The following NLGN4X variants were observed in gnomAD, a reference collection of about 807,000 sequenced individuals.
NLGN4X encodes the protein neuroligin-4, X-linked.
NLGN4X carries 3 observed loss-of-function variants against 40.3 expected under a neutral mutation model. That is an observed-to-expected ratio of 0.07 (90% CI 0.03 to 0.19). NLGN4X has a LOEUF of 0.19. Among genes scored for constraint, NLGN4X ranks in the 10% least tolerant of loss-of-function variants. The probability of loss-of-function intolerance (pLI) is 1.00; values close to 1 mark genes in which losing one functional copy is unlikely to be tolerated. For missense variants in NLGN4X, 382 were observed against 708.3 expected (o/e 0.54, Z 5.23); for synonymous variants, 270 against 306.8 (o/e 0.88, Z 1.25).
intron 1 of NLGN4X, among the ~76,000 whole-genome samples, chrX:6,209,366 G>A (rs189814134): frequency 2.2e-4 from 25 of 111,497 alleles, no homozygotes; most frequent in Non-Finnish European, 4.5e-4. Context: ...CAGCACTTGT[G>A]CCCGTTAAAT....
At chrX:5,924,211 T>C (rs539830411) in intron 3 of NLGN4X, among the ~76,000 whole-genome samples, 10 of 111,776 alleles carry the variant, frequency 8.9e-5, no homozygotes, top group African/African-American at 3.2e-4. Flanking sequence ...TTGCTGAATA[T>C]GGAATCATGG....
intron 1 of NLGN4X, among the ~76,000 whole-genome samples, chrX:6,201,851 T>C (rs1923643832): frequency 9.1e-6 from 1 of 110,193 alleles, no homozygotes; most frequent in South Asian, 3.9e-4. Flanking sequence ...GGAAGAGAAG[T>C]GAGAGCAGAA....
At chrX:6,027,489 C>A (rs1430477723) in intron 3 of NLGN4X, among the ~76,000 whole-genome samples, 1 of 111,560 alleles carries the variant, frequency 9.0e-6, no homozygotes, top group South Asian at 3.7e-4. Context: ...ATTTTGAGTT[C>A]TTTATCAATG....
chrX:6,111,793 C>G (rs951419911), intron 2 of NLGN4X, among the ~76,000 whole-genome samples: 1 of 111,164 alleles, frequency 9.0e-6, no homozygotes, highest in Non-Finnish European at 1.9e-5. Context: ...ATTACCCAGT[C>G]TAAGGTATTT....
At chrX:5,975,241 C>T (rs962105690) in intron 3 of NLGN4X, among the ~76,000 whole-genome samples, 10 of 111,872 alleles carry the variant, frequency 8.9e-5, no homozygotes, top group East Asian at 2.8e-4. Context: ...TTTGTAGAAT[C>T]GAAGTTATGC....
At chrX:6,125,208 C>T (rs887116558) in intron 2 of NLGN4X, among the ~76,000 whole-genome samples, 2 of 111,747 alleles carry the variant, frequency 1.8e-5, no homozygotes, top group African/African-American at 6.5e-5. Flanking sequence ...ATAAACGAGC[C>T]ATGGAGGCAA....
chrX:6,059,578 T>C (rs1303085464), intron 2 of NLGN4X, among the ~76,000 whole-genome samples: 1 of 111,658 alleles, frequency 9.0e-6, no homozygotes, highest in Non-Finnish European at 1.9e-5. Flanking sequence ...TCGAAACCTG[T>C]GCCCCTGTGG....
intron 1 of NLGN4X, among the ~76,000 whole-genome samples, chrX:6,165,998 G>A (rs999420871): frequency 1.8e-5 from 2 of 111,418 alleles, no homozygotes; most frequent in Non-Finnish European, 3.8e-5. Flanking sequence ...AGATTCCATG[G>A]GTTCTACAAA....
chrX:5,895,221 G>A (rs760039782), intron 5 of NLGN4X, among the ~76,000 whole-genome samples: 1 of 112,314 alleles, frequency 8.9e-6, no homozygotes, highest in South Asian at 3.7e-4. Flanking sequence ...GTTAAGAGCT[G>A]TGAAATCTTA....
intron 1 of NLGN4X, among the ~76,000 whole-genome samples, chrX:6,174,327 T>G (rs1425551198): frequency 8.9e-6 from 1 of 111,884 alleles, no homozygotes; most frequent in Non-Finnish European, 1.9e-5. Flanking sequence ...ACATTCTTGC[T>G]GAGATTGTAA....
At chrX:6,213,171 T>G (rs1924769752) in intron 1 of NLGN4X, among the ~76,000 whole-genome samples, 1 of 110,465 alleles carries the variant, frequency 9.1e-6, no homozygotes, top group African/African-American at 3.3e-5. Flanking sequence ...GCAAAAGTCT[T>G]CTGGACAGTA....
chrX:6,061,606 C>A (rs2037773350), intron 2 of NLGN4X: 1 of 111,943 alleles, frequency 8.9e-6, no homozygotes. Context: ...ATGACATTTG[C>A]ATTGCTATGT....
chrX:5,936,941 G>C lies in NLGN4X; in HGVS notation c.626-27702C>G, dbSNP rs752306478. Among the ~76,000 whole-genome samples the C allele has an allele frequency of 6.3e-5, 7 of 111,844 alleles. No homozygotes were observed. The South Asian group carries it at 2.6e-3, about 42-fold the overall frequency. On this transcript the variant is annotated intron_variant, in intron 3 of 5. Coordinates refer to ENST00000381095, the MANE Select transcript of NLGN4X (RefSeq NM_181332.3). The stretch of plus-strand genomic sequence containing the variant: ...TTCATGTTAGGATAGCCAAAAGGTA[G>C]TCAGCAAAAGGGCGAGATGTTTAAT...
intron 5 of NLGN4X, among the ~76,000 whole-genome samples, chrX:5,893,952 A>G (rs1601840998): frequency 1.8e-5 from 2 of 112,356 alleles, no homozygotes; most frequent in Non-Finnish European, 3.8e-5. Context: ...GCATCAAATG[A>G]TCTTCAAAAA....
chrX:6,221,563 T>C (rs1925716784), intron 1 of NLGN4X, among the ~76,000 whole-genome samples: 2 of 108,589 alleles, frequency 1.8e-5, no homozygotes, highest in Admixed American at 2.0e-4. Context: ...TCTTACCATG[T>C]AGCTTCAGGG....
rs1329142598 is a variant in NLGN4X, at chrX:5,891,515, C to A, written c.*1302G>T. 3.4e-6 allele frequency: 1 copy of A among 290,745 alleles called. No individual in the cohort carries two copies. Among genetic ancestry groups the A allele is most frequent in the African/African-American group, 2.8e-5 (1 of 35,811 alleles). The allele number at this position is 290,745 out of a possible 1,213,427, so 24.0% of individuals were successfully genotyped here. A position where few individuals can be genotyped will look rare whatever the true frequency, so the allele number is the denominator to read the frequency against. ...TCTGATTAGCTAAGCTGAGCAGGTA[C>A]TTCATCGGCCAAACCCTCCCGCAGC... is the stretch of plus-strand genomic sequence containing the variant. On this transcript the variant is annotated 3_prime_UTR_variant, in exon 6 of 6. Transcript: ENST00000381095.
intron 1 of NLGN4X, among the ~76,000 whole-genome samples, chrX:6,189,861 T>C (rs1922389651): frequency 9.1e-6 from 1 of 109,617 alleles, no homozygotes; most frequent in South Asian, 3.9e-4. Flanking sequence ...TTAAGACTCA[T>C]CCAGGTTGAA....
At chrX:6,043,136 C>CAT (rs1272099967) in intron 2 of NLGN4X, among the ~76,000 whole-genome samples, 2 of 102,141 alleles carry the variant, frequency 2.0e-5, no homozygotes, top group African/African-American at 3.6e-5. Context: ...CACGCGCATA[C>CAT]ACACACACAC....
intron 3 of NLGN4X, among the ~76,000 whole-genome samples, chrX:6,022,859 T>C (rs1314103499): frequency 8.9e-6 from 1 of 111,870 alleles, no homozygotes; most frequent in East Asian, 2.8e-4. Flanking sequence ...GCTGAGCACG[T>C]GCATATGGGT....
Sources: gnomAD v4.1 joint callset for allele counts (sites outside exome capture counted in the v4.1 genomes callset) on GRCh38, gnomAD v4.1.1 for gene constraint, MANE v1.5 for transcripts, NCBI Gene and HGNC (gene_info 2026-07-23, HGNC 2026-07-21) for gene names.